PRDM11: variants seen among roughly 807,000 people sequenced by gnomAD.
PRDM11 encodes PR domain-containing protein 11.
Under a neutral mutation model 97.8 loss-of-function variants are expected in PRDM11, and 20 were observed. The observed-to-expected ratio is 0.20, with a 90% CI of 0.14 to 0.30. PRDM11 has a LOEUF of 0.30. PRDM11 is among the 10% of genes least tolerant of loss of function. The probability of loss-of-function intolerance (pLI) is 1.00; values close to 1 mark genes in which losing one functional copy is unlikely to be tolerated. For synonymous variants in PRDM11, 599 were observed against 637.7 expected, an observed-to-expected ratio of 0.94 and a Z score of 0.91; for missense variants, 1,139 against 1,555.2, an observed-to-expected ratio of 0.73 and a Z score of 4.50.
chr11:45,188,205 G>A (rs1219733360), intron 4 of PRDM11, among the ~76,000 whole-genome samples: 7 of 152,168 alleles, frequency 4.6e-5, no homozygotes, highest in Non-Finnish European at 1.0e-4. Context: ...TGTTTATTGA[G>A]CACTTACTAT....
chr11:45,137,670 C>T lies in PRDM11; in HGVS notation c.96+41769C>T, dbSNP rs558452110. Among the ~76,000 whole-genome samples, 187 of 152,234 alleles carry T rather than the reference C, an allele frequency of 1.2e-3. No individual in the cohort carries two copies. In the Middle Eastern group the frequency reaches 0.014, roughly 11 times the overall value. ...GGCTGAGATGGGAGGACTGCTTGAA[C>T]CCAGCAAGGTTACAGTGAGCTGAGA... is the stretch of plus-strand genomic sequence containing the variant. On this transcript the variant is annotated intron_variant, in intron 1 of 6. Transcript: ENST00000530656.
chr11:45,212,771 G>C (rs1853802523), intron 5 of PRDM11: 1 of 456,268 alleles, frequency 2.2e-6, no homozygotes, highest in African/African-American at 2.0e-5. Flanking sequence ...CCAGGAGCTG[G>C]TGACCGTGCA....
At chr11:45,181,985 C>T (rs1852523382) in intron 2 of PRDM11, 100 bp downstream of exon 2, 9 of 1,112,940 alleles carry the variant, frequency 8.1e-6, no homozygotes, top group South Asian at 3.0e-5. Context: ...ACTCCTTGCC[C>T]ACCTTCCCTA....
intron 1 of PRDM11, among the ~76,000 whole-genome samples, chr11:45,101,101 C>T (rs904452440): frequency 2.0e-5 from 3 of 152,106 alleles, no homozygotes; most frequent in Admixed American, 1.3e-4. Context: ...TTCTCCCTTT[C>T]CCCACACTTC....
At chr11:45,205,251 C>T (rs1249376567) in intron 5 of PRDM11, among the ~76,000 whole-genome samples, 1 of 152,186 alleles carries the variant, frequency 6.6e-6, no homozygotes, top group Non-Finnish European at 1.5e-5. Context: ...TGTTTGAGTA[C>T]TTTGAAGTGT....
chr11:45,169,107 G>C (rs1852139766), intron 1 of PRDM11, among the ~76,000 whole-genome samples: 1 of 152,184 alleles, frequency 6.6e-6, no homozygotes, highest in Admixed American at 6.5e-5. Flanking sequence ...GTGGGGGAGA[G>C]GCAACCTGGG....
intron 1 of PRDM11, among the ~76,000 whole-genome samples, chr11:45,119,442 A>G (rs1404210999): frequency 6.6e-6 from 1 of 152,020 alleles, no homozygotes; most frequent in Non-Finnish European, 1.5e-5. Flanking sequence ...TCTGGCTAAC[A>G]CGGTGAAACC....
intron 1 of PRDM11, 22 bp downstream of exon 1, chr11:45,146,899 A>G (rs1278153942): frequency 6.9e-6 from 1 of 145,510 alleles, no homozygotes; most frequent in African/African-American, 2.5e-5. Flanking sequence ...CCGGTAGCCA[A>G]TGTGGCCATT....
chr11:45,160,988 C>T (rs555861596), intron 1 of PRDM11, among the ~76,000 whole-genome samples: 1 of 152,314 alleles, frequency 6.6e-6, no homozygotes, highest in African/African-American at 2.4e-5. Flanking sequence ...TGACGTCTCT[C>T]TTGGGCAGCT....
chr11:45,129,371 T>C (rs567583230), intron 1 of PRDM11, among the ~76,000 whole-genome samples: 1 of 152,184 alleles, frequency 6.6e-6, no homozygotes, highest in Non-Finnish European at 1.5e-5. Context: ...TTTGCTCACA[T>C]ACATGGTGAT....
At chr11:45,145,441 C>G (rs1226049434), upstream of PRDM11, among the ~76,000 whole-genome samples, 3 of 152,324 alleles carry the variant, frequency 2.0e-5, no homozygotes, top group East Asian at 5.8e-4. Flanking sequence ...GAACGCCCAT[C>G]TGCGGATCGC....
intron 1 of PRDM11, 96 bp from the exon 2 acceptor site, chr11:45,181,665 C>A: frequency 1.0e-6 from 1 of 991,498 alleles, no homozygotes; most frequent in Non-Finnish European, 1.5e-6. Context: ...GGTAACCAGA[C>A]TCCGCGAGAC....
upstream of PRDM11, among the ~76,000 whole-genome samples, chr11:45,094,776 G>A (rs985490539): frequency 1.5e-5 from 2 of 133,504 alleles, no homozygotes; most frequent in Admixed American, 7.5e-5. Context: ...AAGGAATAGA[G>A]GGAAGGAAGG....
At chr11:45,192,971 C>A (rs1361467236) in intron 4 of PRDM11, among the ~76,000 whole-genome samples, 1 of 152,202 alleles carries the variant, frequency 6.6e-6, no homozygotes, top group East Asian at 1.9e-4. Context: ...TGAGACACAG[C>A]AAGAGTCTTT....
At chr11:45,153,380 C>A (rs1290309024) in intron 1 of PRDM11, among the ~76,000 whole-genome samples, 1 of 152,236 alleles carries the variant, frequency 6.6e-6, no homozygotes, top group Non-Finnish European at 1.5e-5. Context: ...GAGGCTGTCC[C>A]TCTTGGAGTT....
chr11:45,106,095 C>T (rs75057387), intron 1 of PRDM11, among the ~76,000 whole-genome samples: 3,183 of 152,308 alleles, frequency 0.021, 113 homozygotes, highest in African/African-American at 0.072. Flanking sequence ...TGAACTTCCC[C>T]CACCTGAGAG....
chr11:45,205,757 A>T lies in PRDM11; in HGVS notation c.554+979A>T, dbSNP rs1853486740. On this transcript the variant is annotated intron_variant, in intron 5 of 7. Coordinates refer to ENST00000683152, the MANE Select transcript of PRDM11 (RefSeq NM_001384648.1). ...AAGCAAATGAGGAGAAGCAGGTTTGAGGCGTAGAGTATGTGATGAGGGCTC... is the reference window on the plus strand; with the variant it reads ...AAGCAAATGAGGAGAAGCAGGTTTGTGGCGTAGAGTATGTGATGAGGGCTC... Among the ~76,000 whole-genome samples the T allele has an allele frequency of 3.3e-5, 5 of 152,288 alleles. No individual in the cohort carries two copies. The South Asian group carries it at 1.0e-3, about 32-fold the overall frequency.
At chr11:45,193,481 C>G (rs535813590) in intron 4 of PRDM11, among the ~76,000 whole-genome samples, 3 of 152,170 alleles carry the variant, frequency 2.0e-5, no homozygotes, top group Non-Finnish European at 4.4e-5. Context: ...GTTTTGCACA[C>G]TATACAGTGT....
At chr11:45,180,857 C>T (rs1852466391) in intron 1 of PRDM11, among the ~76,000 whole-genome samples, 1 of 151,842 alleles carries the variant, frequency 6.6e-6, no homozygotes, top group Non-Finnish European at 1.5e-5. Context: ...CCCTTCCCCA[C>T]CGCGCGCCCC....
Sources: allele counts gnomAD v4.1 joint callset (sites outside exome capture counted in the v4.1 genomes callset), GRCh38; gene constraint gnomAD v4.1.1; transcripts MANE v1.5; gene names NCBI Gene and HGNC (gene_info 2026-07-23, HGNC 2026-07-21).